HCLS1: variants seen among roughly 807,000 people sequenced by gnomAD.
The protein encoded by HCLS1 is hematopoietic lineage cell-specific protein.
HCLS1 carries 44 observed loss-of-function variants against 68.6 expected under a neutral mutation model. The observed-to-expected ratio is 0.64, with a 90% CI of 0.50 to 0.82. The LOEUF is 0.82. HCLS1 is among the 40% of genes least tolerant of loss of function. The pLI is 0.00. For missense variants in HCLS1, 602 were observed against 612.1 expected (o/e 0.98, Z 0.17); for synonymous variants, 217 against 225.8 (o/e 0.96, Z 0.35).
chr3:121,638,204 G>A (rs2049167227), intron 6 of HCLS1, among the ~76,000 whole-genome samples: 1 of 151,988 alleles, frequency 6.6e-6, no homozygotes, highest in South Asian at 2.1e-4. Context: ...TGGGACCACA[G>A]GCAGGTGCCA....
chr3:121,654,032 T>A lies in HCLS1; in HGVS notation c.158+3247A>T, dbSNP rs370295803. 11 of 152,372 alleles carry A rather than the reference T, an allele frequency of 7.2e-5. No individual in the cohort carries two copies. The East Asian group carries it at 9.6e-4, about 13-fold the overall frequency. 9.4% of individuals were successfully genotyped at this position (152,372 alleles called of 1,614,324 possible). On this transcript the variant is annotated intron_variant, in intron 3 of 13. Transcript: ENST00000314583. ...CACTGTTGCCCAGGCTGGAGTACAG[T>A]GGCTACTCACAGACACAATCCCACT...
At chr3:121,646,372 T>TA (rs1937604871) in intron 4 of HCLS1, among the ~76,000 whole-genome samples, 1 of 88,342 alleles carries the variant, frequency 1.1e-5, no homozygotes, top group East Asian at 3.7e-4. Context: ...TATTACATAT[T>TA]ATTACTATGT....
intron 8 of HCLS1, 48 bp from the exon 9 acceptor site, chr3:121,635,852 A>G (rs1301850444): frequency 2.0e-6 from 3 of 1,492,834 alleles, no homozygotes; most frequent in Non-Finnish European, 2.8e-6. Context: ...GGGCAAGGGT[A>G]GTGGTGACCT....
At chr3:121,656,288 T>C (rs1162351023) in intron 3 of HCLS1, 2 of 152,212 alleles carry the variant, frequency 1.3e-5, no homozygotes, top group Non-Finnish European at 2.9e-5. Flanking sequence ...AACACTGCTT[T>C]TAGGGTGCGG....
chr3:121,657,111 G>T, intron 3 of HCLS1, 168 bp downstream of exon 3: 1 of 580,206 alleles, frequency 1.7e-6, no homozygotes, highest in African/African-American at 1.8e-5. Context: ...AATATGCAAT[G>T]ACACACAGGT....
At chr3:121,657,883 C>A (rs1273558971) in intron 2 of HCLS1, 1 of 212,292 alleles carries the variant, frequency 4.7e-6, no homozygotes, top group Non-Finnish European at 9.4e-6. Flanking sequence ...AACCTCCGTT[C>A]CTCCTCTGCC....
intron 3 of HCLS1, 80 bp downstream of exon 3, chr3:121,657,199 C>T: frequency 8.3e-7 from 1 of 1,198,614 alleles, no homozygotes; most frequent in Non-Finnish European, 1.2e-6. Context: ...TTTCCTCCCT[C>T]ACCTTCCCCC....
chr3:121,637,122 T>C (rs375467328), intron 7 of HCLS1, 24 bp downstream of exon 7: 13 of 1,499,694 alleles, frequency 8.7e-6, no homozygotes, highest in African/African-American at 1.4e-5. Flanking sequence ...ATCTGTGACC[T>C]TCCCCCTTCC....
intron 6 of HCLS1, among the ~76,000 whole-genome samples, chr3:121,639,740 A>G (rs1317116269): frequency 6.6e-6 from 1 of 152,222 alleles, no homozygotes; most frequent in African/African-American, 2.4e-5. Context: ...TATTTGTTGA[A>G]TGTAGCAAAT....
Position 121,635,725 on chromosome 3 carries a change from T to C in HCLS1, c.691+10A>G. The stretch of plus-strand genomic sequence containing the variant: ...GTGAGGTGCATGGAGAGTGAATCAC[T>C]AAGCCTCACCGGCTTCTATGGGCGT... On this transcript the variant is annotated intron_variant, in intron 9 of 13. Coordinates refer to ENST00000314583, the MANE Select transcript of HCLS1 (RefSeq NM_005335.6). 6.2e-7 allele frequency: 1 copy of C among 1,607,840 alleles called. No individual in the cohort carries two copies. The highest frequency in any genetic ancestry group is 1.1e-5 in the South Asian group (1 of 90,938).
At chr3:121,645,345 G>C (rs2049237359) in intron 4 of HCLS1, among the ~76,000 whole-genome samples, 1 of 152,074 alleles carries the variant, frequency 6.6e-6, no homozygotes, top group South Asian at 2.1e-4. Flanking sequence ...TTCACTAGGA[G>C]AGCCAATGAT....
At chr3:121,646,389 T>TG (rs1361067956) in intron 4 of HCLS1, among the ~76,000 whole-genome samples, 1 of 57,094 alleles carries the variant, frequency 1.8e-5, no homozygotes, top group African/African-American at 6.1e-5. Context: ...ATGTAATATA[T>TG]TACTATGTAA....
Position 121,647,459 on chromosome 3 carries a change from C to A in HCLS1, c.159-11G>T. The A allele has an allele frequency of 1.2e-6, 2 of 1,613,928 alleles. No homozygotes were observed. ...CTCAGCTGGTGGATGCTGGAAGAAA[C>A]CACATGACCAAGGCTCATCTATCCT... On this transcript the variant is annotated splice_polypyrimidine_tract_variant and intron_variant, in intron 3 of 13. Transcript: ENST00000314583.
In HCLS1 at chr3:121,637,121, C is replaced by T; in HGVS notation, c.565+25G>A. The T allele has an allele frequency of 4.6e-5, 69 of 1,492,804 alleles. 1 individual carries two copies. Among genetic ancestry groups the T allele is most frequent in the Non-Finnish European group, 6.5e-5 (69 of 1,069,346 alleles). The allele number at this position is 1,492,804 out of a possible 1,614,324, so 92.5% of individuals were successfully genotyped here. A position where few individuals can be genotyped will look rare whatever the true frequency, so the allele number is the denominator to read the frequency against. On this transcript the variant is annotated intron_variant, in intron 7 of 13. Transcript: ENST00000314583. ...AGGAGATCCCTGTGCTATCTGTGAC[C>T]TTCCCCCTTCCAACCCCAACTCACC...
chr3:121,642,304 A>AAC (rs11425636), intron 6 of HCLS1, among the ~76,000 whole-genome samples: 1 of 37,780 alleles, frequency 2.6e-5, no homozygotes, highest in East Asian at 5.2e-3. Context: ...CTAAAAATAC[A>AAC]AAAAAAAAAA....
At chr3:121,645,418 A>G (rs2049238227) in intron 4 of HCLS1, among the ~76,000 whole-genome samples, 1 of 152,236 alleles carries the variant, frequency 6.6e-6, no homozygotes, top group African/African-American at 2.4e-5. Context: ...TGAGCTTTAT[A>G]CACCATGTAA....
chr3:121,647,425 A>G lies in HCLS1; in HGVS notation c.182T>C (p.Val61Ala). 1 of 1,614,034 alleles carries G rather than the reference A, an allele frequency of 6.2e-7. No individual in the cohort carries two copies. Among genetic ancestry groups the G allele is most frequent in the Non-Finnish European group, 8.5e-7 (1 of 1,179,996 alleles). ...CCTGAGAACATCATGCTCCTCTGAT[A>G]CTTTGTTCCTCAGCTGGTGGATGCT... ...HINIHQLRNKVSEEHDVLRKK... is the reference protein window; with the variant it reads ...HINIHQLRNKASEEHDVLRKK... Residue 61 changes from valine to alanine, a missense_variant, in exon 4 of 14, where the codon GTA (valine) becomes GCA (alanine). Transcript: ENST00000314583.
intron 11 of HCLS1, 68 bp from the exon 12 acceptor site, chr3:121,632,631 G>C: frequency 6.9e-7 from 1 of 1,441,198 alleles, no homozygotes; most frequent in East Asian, 2.3e-5. Context: ...GGACTGATAA[G>C]ATCCCCCGCC....
Position 121,636,433 on chromosome 3 carries a change from C to T in HCLS1, c.621+1G>A, listed in dbSNP as rs1443410493. ...AAGACATTGGTGTTCCGGTGCTTTA[C>T]CTTATCCACTCGGTCCTTCTGGATT... On this transcript the variant is annotated splice_donor_variant, in intron 8 of 13. Transcript: ENST00000314583. LOFTEE classifies it high-confidence loss of function. 1.2e-6 allele frequency: 2 copies of T among 1,611,144 alleles called. No individual in the cohort carries two copies. Among genetic ancestry groups the T allele is most frequent in the Non-Finnish European group, 1.7e-6 (2 of 1,177,414 alleles).
Sources: gnomAD v4.1 joint callset for allele counts (sites outside exome capture counted in the v4.1 genomes callset) on GRCh38, gnomAD v4.1.1 for gene constraint, MANE v1.5 for transcripts, NCBI Gene and HGNC (gene_info 2026-07-23, HGNC 2026-07-21) for gene names.